The following SEM1 variants were observed in gnomAD, a reference collection of about 807,000 sequenced individuals.
The protein encoded by SEM1 is 26S proteasome complex subunit SEM1.
A neutral mutation model predicts 12.7 loss-of-function variants in SEM1; 3 were observed. That is an observed-to-expected ratio of 0.24 (90% CI 0.11 to 0.61). The LOEUF (loss-of-function observed/expected upper bound fraction) is 0.61. Among genes scored for constraint, SEM1 ranks in the 20% least tolerant of loss-of-function variants. The pLI is 0.88. For missense variants in SEM1, 59 were observed against 81.3 expected (o/e 0.73, Z 1.06); for synonymous variants, 30 against 27.8 (o/e 1.08, Z -0.25).
At chr7:96,600,995 T>C (rs1312387766) in intron 2 of SEM1, among the ~76,000 whole-genome samples, 1 of 152,212 alleles carries the variant, frequency 6.6e-6, no homozygotes. Context: ...CTTGTACAGA[T>C]TGGGTAGACC....
intron 2 of SEM1, among the ~76,000 whole-genome samples, chr7:96,576,275 C>T (rs1343882648): frequency 6.6e-6 from 1 of 152,096 alleles, no homozygotes; most frequent in Non-Finnish European, 1.5e-5. Context: ...GTGACTTATT[C>T]TAAAAGTATT....
At chr7:96,584,547 A>T (rs539278032) in intron 2 of SEM1, among the ~76,000 whole-genome samples, 2 of 152,048 alleles carry the variant, frequency 1.3e-5, no homozygotes, top group South Asian at 4.2e-4. Context: ...CTCCTGGATG[A>T]TATCCTGCAG....
intron 2 of SEM1, among the ~76,000 whole-genome samples, chr7:96,569,149 G>A (rs574128742): frequency 6.6e-6 from 1 of 152,028 alleles, no homozygotes; most frequent in South Asian, 2.1e-4. Context: ...GTGAATATTA[G>A]CATCCCAATA....
intron 2 of SEM1, among the ~76,000 whole-genome samples, chr7:96,624,475 A>G (rs1310754296): frequency 1.3e-5 from 2 of 152,124 alleles, no homozygotes. Context: ...ACCAGGCTTG[A>G]CTTTGAATAG....
intron 2 of SEM1, among the ~76,000 whole-genome samples, chr7:96,632,391 A>C (rs4538796): frequency 0.016 from 2,468 of 152,328 alleles, 23 homozygotes; most frequent in South Asian, 0.054. Context: ...GAATGAGTTC[A>C]TGTCCTTTGC....
At chr7:96,523,202 TG>T (rs1804341557) in intron 2 of SEM1, among the ~76,000 whole-genome samples, 1 of 152,148 alleles carries the variant, frequency 6.6e-6, no homozygotes, top group African/African-American at 2.4e-5. Context: ...TATTTTTGCT[TG>T]CAAGAATCTC....
intron 2 of SEM1, among the ~76,000 whole-genome samples, chr7:96,526,806 A>C (rs1285093426): frequency 6.6e-6 from 1 of 151,956 alleles, no homozygotes; most frequent in Non-Finnish European, 1.5e-5. Context: ...AGGTTAGGAC[A>C]GTTTTTTGTT....
At chr7:96,591,038 G>A (rs1009657979) in intron 2 of SEM1, among the ~76,000 whole-genome samples, 11 of 152,168 alleles carry the variant, frequency 7.2e-5, no homozygotes, top group Non-Finnish European at 1.0e-4. Flanking sequence ...TTAGAGAAGT[G>A]ATCAAGATTT....
chr7:96,582,133 T>A (rs1227164816), intron 2 of SEM1, among the ~76,000 whole-genome samples: 3 of 151,312 alleles, frequency 2.0e-5, no homozygotes, highest in Non-Finnish European at 2.9e-5. Flanking sequence ...CTTATTATTT[T>A]GAAATACGTC....
chr7:96,698,136 A>G (rs1050539700), intron 1 of SEM1, among the ~76,000 whole-genome samples: 1 of 152,166 alleles, frequency 6.6e-6, no homozygotes, highest in Non-Finnish European at 1.5e-5. Context: ...ATAATCATTC[A>G]TAACTATTCT....
chr7:96,521,459 A>G (rs1397899641), intron 2 of SEM1, among the ~76,000 whole-genome samples: 1 of 152,164 alleles, frequency 6.6e-6, no homozygotes, highest in East Asian at 1.9e-4. Context: ...AGAAGCACAG[A>G]GAACAGCATT....
Position 96,571,597 on chromosome 7 carries a change from C to CAT in SEM1, c.171-64901_171-64900dup, listed in dbSNP as rs140287685. On this transcript the variant is annotated intron_variant and NMD_transcript_variant, in intron 2 of 3. Coordinates refer to the SEM1 transcript ENST00000466986. ...ATATACATATATACGCACATATATA[C>CAT]ATATATATATACATACATATGTATG... 3.9e-3 allele frequency among the ~76,000 whole-genome samples: 582 copies of CAT among 150,758 alleles called. 1 individual carries two copies. The highest frequency in any genetic ancestry group is 0.013 in the African/African-American group (549 of 41,088).
At chr7:96,622,732 C>G (rs1807936022) in intron 2 of SEM1, 1 of 703,500 alleles carries the variant, frequency 1.4e-6, no homozygotes, top group Non-Finnish European at 2.6e-6. Context: ...AGTGGAAAAG[C>G]CATGTAGATC....
intron 1 of SEM1, among the ~76,000 whole-genome samples, chr7:96,490,401 A>G (rs1018897838): frequency 2.6e-5 from 4 of 152,198 alleles, no homozygotes; most frequent in Admixed American, 2.6e-4. Context: ...AGCCCAGATT[A>G]CACACTTCTG....
chr7:96,627,659 A>G (rs1808115726), intron 2 of SEM1, among the ~76,000 whole-genome samples: 20 of 152,134 alleles, frequency 1.3e-4, no homozygotes, highest in Admixed American at 1.3e-3. Context: ...ACTTTTTAAA[A>G]CATTTTAAGA....
intron 2 of SEM1, among the ~76,000 whole-genome samples, chr7:96,643,331 TTTTC>T (rs1402079963): frequency 1.4e-5 from 2 of 145,548 alleles, no homozygotes; most frequent in African/African-American, 2.8e-5. Flanking sequence ...ACGTACCATA[TTTTC>T]TTTATTTTTA....
At chr7:96,656,444 G>A (rs1181084795) in intron 2 of SEM1, 1 of 152,190 alleles carries the variant, frequency 6.6e-6, no homozygotes, top group African/African-American at 2.4e-5. Context: ...AGCCCACCTG[G>A]TTTGTCACTG....
chr7:96,538,403 T>A (rs1804854141), intron 2 of SEM1, among the ~76,000 whole-genome samples: 1 of 151,836 alleles, frequency 6.6e-6, no homozygotes, highest in Non-Finnish European at 1.5e-5. Flanking sequence ...TGTTGGGTAA[T>A]AGGAGGCAAA....
At chr7:96,492,887 T>C (rs933671332) in intron 1 of SEM1, among the ~76,000 whole-genome samples, 20 of 152,074 alleles carry the variant, frequency 1.3e-4, no homozygotes, top group Admixed American at 2.6e-4. Context: ...TCTGTGAACA[T>C]GGATGTACAA....
Sources: gnomAD v4.1 joint callset for allele counts (sites outside exome capture counted in the v4.1 genomes callset) on GRCh38, gnomAD v4.1.1 for gene constraint, MANE v1.5 for transcripts, NCBI Gene and HGNC (gene_info 2026-07-23, HGNC 2026-07-21) for gene names.